ABCC4: variants seen among roughly 807,000 people sequenced by gnomAD.
ABCC4 encodes the protein ATP-binding cassette sub-family C member 4.
ABCC4 carries 102 observed loss-of-function variants against 168.5 expected under a neutral mutation model. The observed-to-expected ratio is 0.61, with a 90% confidence interval of 0.52 to 0.71. The LOEUF (loss-of-function observed/expected upper bound fraction) is 0.71. Ranked by LOEUF, ABCC4 falls within the 30% of genes least tolerant of loss-of-function variation. The probability of loss-of-function intolerance (pLI) is 0.00; values close to 1 mark genes in which losing one functional copy is unlikely to be tolerated. For synonymous variants in ABCC4, 617 were observed against 590.7 expected, an observed-to-expected ratio of 1.04 and a Z score of -0.65; for missense variants, 1,402 against 1,605.8, an observed-to-expected ratio of 0.87 and a Z score of 2.17.
intron 27 of ABCC4, among the ~76,000 whole-genome samples, chr13:95,050,645 G>T (rs1175228623): frequency 6.6e-6 from 1 of 152,160 alleles, no homozygotes; most frequent in African/African-American, 2.4e-5. Flanking sequence ...CCATAAAGAA[G>T]TAGTTCCCAG....
At position 95,210,746 on chromosome 13, in the gene ABCC4, T is replaced by C; in HGVS notation, c.567A>G (p.Thr189=). Reference sequence around the variant, plus strand: ...GCAGATTGACTATCTGGCCTGTGGTTGTCTTCCCCATGGCCATGTTACTAA... The same window carrying C: ...GCAGATTGACTATCTGGCCTGTGGTCGTCTTCCCCATGGCCATGTTACTAA... ...LRLSNMAMGK[T]TTGQIVNLLS... is the part of the protein sequence containing the mutation. Residue 189 remains threonine, a synonymous_variant, in exon 5 of 31, where the codon ACA becomes ACG. Transcript: ENST00000645237. The C allele has an allele frequency of 6.2e-7, 1 of 1,614,210 alleles. No individual in the cohort carries two copies.
At chr13:95,105,874 G>A (rs184192965) in intron 20 of ABCC4, among the ~76,000 whole-genome samples, 83 of 152,244 alleles carry the variant, frequency 5.5e-4, no homozygotes, top group Middle Eastern at 3.4e-3. Context: ...TCAGGTGACC[G>A]CAAAGAGCAG....
intron 10 of ABCC4, 81 bp downstream of exon 10, chr13:95,188,372 C>A: frequency 7.9e-7 from 1 of 1,268,660 alleles, no homozygotes; most frequent in South Asian, 1.2e-5. Context: ...AATTGTGTTA[C>A]ACGTAGCCTT....
At chr13:95,294,629 G>A (rs2041482213) in intron 1 of ABCC4, among the ~76,000 whole-genome samples, 1 of 152,284 alleles carries the variant, frequency 6.6e-6, no homozygotes, top group South Asian at 2.1e-4. Context: ...TCAGTTTCAT[G>A]GTCACCTCTG....
chr13:95,073,061 A>T, intron 24 of ABCC4, 143 bp downstream of exon 24: 2 of 593,540 alleles, frequency 3.4e-6, no homozygotes, highest in Non-Finnish European at 5.8e-6. Flanking sequence ...CATTAACTTT[A>T]AACAGATGGA....
chr13:95,044,794 GAT>G lies in ABCC4; in HGVS notation c.3457-358_3457-357del, dbSNP rs145236663. On this transcript the variant is annotated intron_variant, in intron 27 of 30. Coordinates refer to ENST00000645237, the MANE Select transcript of ABCC4 (RefSeq NM_005845.5). Reference sequence around the variant, plus strand: ...GTATTCTGTAGGTAAAATACAGAAAGATAAAAAAAATTCCCTTCTTTTTAGTT... The same window carrying G: ...GTATTCTGTAGGTAAAATACAGAAAGAAAAAAAATTCCCTTCTTTTTAGTT... Among the ~76,000 whole-genome samples, 813 of 152,200 alleles carry G rather than the reference GAT, an allele frequency of 5.3e-3. 8 individuals are homozygous for G. Among genetic ancestry groups the G allele is most frequent in the African/African-American group, 0.018 (739 of 41,520 alleles).
At chr13:95,105,030 T>C (rs2034954184) in intron 20 of ABCC4, among the ~76,000 whole-genome samples, 1 of 152,040 alleles carries the variant, frequency 6.6e-6, no homozygotes, top group South Asian at 2.1e-4. Context: ...TATAATGAAA[T>C]AATTATACAA....
intron 1 of ABCC4, among the ~76,000 whole-genome samples, chr13:95,288,007 A>C (rs1395759143): frequency 4.6e-5 from 7 of 152,170 alleles, no homozygotes; most frequent in Non-Finnish European, 2.9e-5. Context: ...GCACCACTGC[A>C]CTCCAGCCTG....
chr13:95,131,134 G>A (rs889102733), intron 19 of ABCC4, among the ~76,000 whole-genome samples: 5 of 152,106 alleles, frequency 3.3e-5, no homozygotes, highest in Non-Finnish European at 7.4e-5. Context: ...ACTTGAAAAA[G>A]ACTTCTTATG....
At chr13:95,150,956 TG>T (rs1403845823) in intron 19 of ABCC4, among the ~76,000 whole-genome samples, 3 of 152,224 alleles carry the variant, frequency 2.0e-5, no homozygotes, top group Non-Finnish European at 4.4e-5. Context: ...CTACTCCCAC[TG>T]GTATGATTTC....
intron 19 of ABCC4, among the ~76,000 whole-genome samples, chr13:95,132,557 G>C (rs1179182290): frequency 6.6e-6 from 1 of 152,092 alleles, no homozygotes; most frequent in Non-Finnish European, 1.5e-5. Context: ...TACTTATAAT[G>C]CCTAAATACA....
At chr13:95,171,445 T>C (rs2037472366) in intron 13 of ABCC4, among the ~76,000 whole-genome samples, 1 of 150,994 alleles carries the variant, frequency 6.6e-6, no homozygotes, top group Non-Finnish European at 1.5e-5. Context: ...TAGTCCCAGC[T>C]AGAAGGGAGG....
At chr13:95,276,443 G>C (rs1291471137) in intron 1 of ABCC4, among the ~76,000 whole-genome samples, 11 of 143,764 alleles carry the variant, frequency 7.7e-5, no homozygotes, top group African/African-American at 2.8e-4. Flanking sequence ...AGTGAACGAA[G>C]CTGCAATAAG....
At chr13:95,082,768 T>G (rs1354468762) in intron 21 of ABCC4, among the ~76,000 whole-genome samples, 3 of 152,208 alleles carry the variant, frequency 2.0e-5, no homozygotes, top group Non-Finnish European at 4.4e-5. Context: ...CCTTCTATAT[T>G]AGTTTCACCA....
At chr13:95,131,342 G>T (rs1403092350) in intron 19 of ABCC4, among the ~76,000 whole-genome samples, 1 of 152,094 alleles carries the variant, frequency 6.6e-6, no homozygotes, top group Non-Finnish European at 1.5e-5. Context: ...GGGAAGAGTT[G>T]CCCAGCCAGG....
intron 11 of ABCC4, among the ~76,000 whole-genome samples, chr13:95,186,335 T>G (rs1489063874): frequency 3.3e-5 from 5 of 151,896 alleles, no homozygotes; most frequent in Non-Finnish European, 7.4e-5. Flanking sequence ...AGAGACGGAG[T>G]TGAATTGGCT....
At chr13:95,266,965 G>A (rs1445965273) in intron 1 of ABCC4, among the ~76,000 whole-genome samples, 1 of 150,696 alleles carries the variant, frequency 6.6e-6, no homozygotes, top group African/African-American at 2.4e-5. Context: ...CACCTCCCAG[G>A]TTCAAGTGAT....
chr13:95,151,495 A>C (rs2036674537), intron 19 of ABCC4, among the ~76,000 whole-genome samples: 1 of 150,738 alleles, frequency 6.6e-6, no homozygotes, highest in Non-Finnish European at 1.5e-5. Context: ...AAAAAAAAGA[A>C]GAAGAAGAAC....
At chr13:95,090,093 A>AC (rs2034383621) in intron 20 of ABCC4, among the ~76,000 whole-genome samples, 1 of 152,014 alleles carries the variant, frequency 6.6e-6, no homozygotes, top group African/African-American at 2.4e-5. Flanking sequence ...CCTAGGAGAC[A>AC]CCCCAAATAC....
Sources: allele counts gnomAD v4.1 joint callset (sites outside exome capture counted in the v4.1 genomes callset), GRCh38; gene constraint gnomAD v4.1.1; transcripts MANE v1.5; gene names NCBI Gene and HGNC (gene_info 2026-07-23, HGNC 2026-07-21).